DDX56: variants seen among roughly 807,000 people sequenced by gnomAD.
The protein encoded by DDX56 is DEAD-box helicase 56.
DDX56 carries 45 observed loss-of-function variants against 61.5 expected under a neutral mutation model. The observed-to-expected ratio is 0.73, with a 90% confidence interval of 0.58 to 0.94. DDX56 has a LOEUF of 0.94. DDX56 is among the 40% of genes least tolerant of loss of function. The probability of loss-of-function intolerance (pLI) is 0.00; values close to 1 mark genes in which losing one functional copy is unlikely to be tolerated. For missense variants in DDX56, 708 were observed against 690.7 expected (o/e 1.02, Z -0.28); for synonymous variants, 273 against 268.3 (o/e 1.02, Z -0.17).
chr7:44,568,249 A>G (rs745939775), intron 11 of DDX56, 26 bp from the exon 12 acceptor site: 2 of 1,526,158 alleles, frequency 1.3e-6, no homozygotes, highest in South Asian at 2.3e-5. Context: ...GGAGAGCCAC[A>G]GAGTGAGCAT....
rs972233369 is a variant in DDX56, at chr7:44,566,641, A to G, written c.1490-117T>C. On this transcript the variant is annotated intron_variant, in intron 12 of 13. Transcript: ENST00000258772. ...ACCCAACTGGCAGCCTATGACATAC[A>G]TCTATTCACTACCACATCTGCACAG... 27 of 717,518 alleles carry G rather than the reference A, an allele frequency of 3.8e-5. No individual in the cohort carries two copies. The South Asian group carries it at 4.2e-4, about 11-fold the overall frequency. 44.4% of individuals were successfully genotyped at this position (717,518 alleles called of 1,614,324 possible). A position where few individuals can be genotyped will look rare whatever the true frequency, so the allele number is the denominator to read the frequency against.
rs761089546 is a variant in DDX56 at position 44,568,203 on chromosome 7, A to G, written c.1404T>C (p.Pro468=). The G allele has an allele frequency of 7.7e-5, 124 of 1,611,836 alleles. No individual in the cohort carries two copies. The highest frequency in any genetic ancestry group is 9.4e-5 in the Non-Finnish European group (111 of 1,178,440). The change falls in exon 12 of 14, where the codon CCT becomes CCC. Residue 468 remains proline (P), a synonymous_variant. Transcript: ENST00000258772. ...CATGCCGCAGCAGCTGGAGGTCCCT[A>G]GGGTTGTCTTCAAAGTATGTCTGCC... ...EKLKTYFEDN[P]RDLQLLRHDL... is the part of the protein sequence containing the mutation.
intron 12 of DDX56, chr7:44,567,597 C>G (rs897312712): frequency 5.5e-5 from 11 of 199,720 alleles, no homozygotes; most frequent in Non-Finnish European, 1.0e-4. Context: ...CTCATGCCTG[C>G]CAACCCCTGC....
At chr7:44,570,228 A>C in intron 7 of DDX56, 100 bp from the exon 8 acceptor site, 2 of 1,441,014 alleles carry the variant, frequency 1.4e-6, no homozygotes, top group Non-Finnish European at 1.9e-6. Context: ...TGTAGATCAT[A>C]AGACCCTGAC....
chr7:44,567,780 T>A (rs539288999), intron 12 of DDX56: 2 of 360,664 alleles, frequency 5.5e-6, no homozygotes, highest in East Asian at 1.4e-4. Context: ...TGCCCGTGAC[T>A]CTCTCCCAAA....
chr7:44,566,222 T>C (rs1554291087), intron 13 of DDX56, 143 bp from the exon 14 acceptor site: 4 of 654,574 alleles, frequency 6.1e-6, no homozygotes, highest in African/African-American at 2.0e-5. Flanking sequence ...GATAAGGAAA[T>C]GGGGAAAGGC....
chr7:44,573,841 G>A lies in DDX56; in HGVS notation c.55C>T (p.Leu19Phe), dbSNP rs1309804360. Residue 19 changes from leucine (L) to phenylalanine (F), a missense_variant, in exon 1 of 14, where the codon CTT becomes TTT. Physicochemically the swap from Leu to Phe is conservative, Grantham distance 22. Coordinates refer to ENST00000258772, the MANE Select transcript of DDX56 (RefSeq NM_019082.4). The part of the protein sequence containing the change: ...FEHMGLDPRL[L>F]QAVTDLGWSR... ...TCCCCAGCCCTCGCGTGTACCTGAA[G>A]GAGCCGGGGATCGAGGCCCATGTGT... The A allele has an allele frequency of 1.9e-6, 3 of 1,613,356 alleles. No homozygotes were observed. The highest frequency in any genetic ancestry group is 1.7e-5 in the Admixed American group (1 of 60,022).
Position 44,573,591 on chromosome 7 carries a change from T to TA in DDX56, c.213dup (p.Arg72Ter). On this transcript the variant is annotated frameshift_variant, in exon 2 of 14. Coordinates refer to ENST00000258772, the MANE Select transcript of DDX56 (RefSeq NM_019082.4). LOFTEE classifies it high-confidence loss of function. The stretch of plus-strand genomic sequence containing the variant: ...GCTCTCTCGTTACCCACCGCCTTCC[T>TA]ATGGAGCAACAGCTGCAGCATCGGA... 1 of 1,613,502 alleles carries TA rather than the reference T, an allele frequency of 6.2e-7. No individual in the cohort carries two copies. The highest frequency in any genetic ancestry group is 8.5e-7 in the Non-Finnish European group (1 of 1,179,722).
At chr7:44,573,116 C>T (rs1014252196) in intron 2 of DDX56, 66 bp from the exon 3 acceptor site, 1 of 1,445,192 alleles carries the variant, frequency 6.9e-7, no homozygotes, top group African/African-American at 1.4e-5. Context: ...TGTCTCTACC[C>T]CTTCCAGCCT....
At chr7:44,567,828 C>T (rs1001880722) in intron 12 of DDX56, 3 of 478,004 alleles carry the variant, frequency 6.3e-6, no homozygotes, top group Admixed American at 3.5e-5. Flanking sequence ...GGCCATTTGG[C>T]CCAGCTCTGG....
intron 5 of DDX56, among the ~76,000 whole-genome samples, chr7:44,571,957 C>T (rs1029145626): frequency 6.6e-6 from 1 of 152,120 alleles, no homozygotes; most frequent in East Asian, 1.9e-4. Context: ...TAAAATACTT[C>T]CAAGCACAGA....
At position 44,570,693 on chromosome 7, in the gene DDX56, G is replaced by A. The variant is rs543645695; in HGVS notation, c.1010+65C>T. 39 of 1,553,772 alleles carry A rather than the reference G, an allele frequency of 2.5e-5. No homozygotes were observed. The African/African-American group carries it at 5.1e-4, about 20-fold the overall frequency. ...CCCTGCTCTGTGCACTCTGGTTTTA[G>A]TCTTCCAAAAAGCTAAAAACACAGG... On this transcript the variant is annotated intron_variant, in intron 7 of 13. Coordinates refer to ENST00000258772, the MANE Select transcript of DDX56 (RefSeq NM_019082.4).
In DDX56 at chr7:44,565,850, G is replaced by A; in HGVS notation, c.*152C>T. 4.5e-6 allele frequency: 3 copies of A among 659,866 alleles called. No homozygotes were observed. The highest frequency in any genetic ancestry group is 5.3e-5 in the Admixed American group (2 of 37,906). 40.9% of individuals were successfully genotyped at this position (659,866 alleles called of 1,614,324 possible). A position where few individuals can be genotyped will look rare whatever the true frequency, so the allele number is the denominator to read the frequency against. ...TCTGTTGTCAAGGGGCAAGATGCCA[G>A]CTTGGAAGTGCCAAGGAGCTAAAGG... On this transcript the variant is annotated 3_prime_UTR_variant, in exon 14 of 14. Transcript: ENST00000258772.
Position 44,568,929 on chromosome 7 carries a change from C to T in DDX56, c.1357G>A (p.Glu453Lys), listed in dbSNP as rs747212072. Residue 453 changes from glutamate to lysine, a missense_variant, in exon 11 of 14, where the codon GAG (glutamate) becomes AAG (lysine). Coordinates refer to ENST00000258772, the MANE Select transcript of DDX56 (RefSeq NM_019082.4). ...TTAAGCTTCTCAGAATGCAGAAGCTCTTCCTTGATCTCCTTCAATCTTGCC... is the reference window on the plus strand; with the variant it reads ...TTAAGCTTCTCAGAATGCAGAAGCTTTTCCTTGATCTCCTTCAATCTTGCC... ...REARLKEIKE[E>K]LLHSEKLKTY... 6.2e-7 allele frequency: 1 copy of T among 1,614,158 alleles called. No homozygotes were observed. The highest frequency in any genetic ancestry group is 8.5e-7 in the Non-Finnish European group (1 of 1,180,020).
Position 44,569,781 on chromosome 7 carries a change from C to T in DDX56, c.1219+28G>A, listed in dbSNP as rs746326884. 7.6e-6 allele frequency: 12 copies of T among 1,578,790 alleles called. No individual in the cohort carries two copies. The African/African-American group carries it at 1.3e-4, about 18-fold the overall frequency. On this transcript the variant is annotated intron_variant, in intron 9 of 13. Transcript: ENST00000258772. ...CATTGTGGAAGAAGCCTGACCCTGG[C>T]CCAGGACCACAAGAGCCAGGCTCTT...
intron 5 of DDX56, 22 bp from the exon 6 acceptor site, chr7:44,571,758 T>A: frequency 6.2e-7 from 1 of 1,612,168 alleles, no homozygotes; most frequent in Non-Finnish European, 8.5e-7. Context: ...AACAGGCCTG[T>A]GGTCAGAAAG....
Position 44,568,934 on chromosome 7 carries a change from T to C in DDX56, c.1352A>G (p.Lys451Arg), listed in dbSNP as rs768968674. The C allele has an allele frequency of 2.5e-6, 4 of 1,614,150 alleles. No homozygotes were observed. The highest frequency in any genetic ancestry group is 1.3e-5 in the African/African-American group (1 of 75,064). ...AIREARLKEI[K>R]EELLHSEKLK... ...CTTCTCAGAATGCAGAAGCTCTTCC[T>C]TGATCTCCTTCAATCTTGCCTCCCG... The change falls in exon 11 of 14, where the codon AAG becomes AGG. Residue 451 changes from lysine to arginine, a missense_variant. Physicochemically the swap from Lys to Arg is conservative, Grantham distance 26. Transcript: ENST00000258772.
rs1562583908 is a variant in DDX56 at position 44,569,747 on chromosome 7, G to A, written c.1219+62C>T. On this transcript the variant is annotated intron_variant, in intron 9 of 13. Coordinates refer to ENST00000258772, the MANE Select transcript of DDX56 (RefSeq NM_019082.4). ...TGACCTCTGTCATCATTATCATGGAGTTTTAAAGCATTGTGGAAGAAGCCT... is the reference window on the plus strand; with the variant it reads ...TGACCTCTGTCATCATTATCATGGAATTTTAAAGCATTGTGGAAGAAGCCT... 5.7e-6 allele frequency: 8 copies of A among 1,397,806 alleles called. No individual in the cohort carries two copies. In the East Asian group the frequency reaches 1.7e-4, roughly 30 times the overall value. The allele number at this position is 1,397,806 out of a possible 1,614,324, so 86.6% of individuals were successfully genotyped here. A position where few individuals can be genotyped will look rare whatever the true frequency, so the allele number is the denominator to read the frequency against.
rs975476886 is a variant in DDX56, at chr7:44,568,914, C to T, written c.1372G>A (p.Glu458Lys). The change falls in exon 11 of 14, where the codon GAG becomes AAG. Residue 458 changes from glutamate (E) to lysine (K), a missense_variant. By Grantham distance (56) the Glu-to-Lys change is moderately conservative (BLOSUM62 1). Coordinates refer to ENST00000258772, the MANE Select transcript of DDX56 (RefSeq NM_019082.4). ...TCCCATCCACTCACCTTAAGCTTCT[C>T]AGAATGCAGAAGCTCTTCCTTGATC... ...KEIKEELLHSEKLKTYFEDNP... is the reference protein window; with the variant it reads ...KEIKEELLHSKKLKTYFEDNP... The T allele has an allele frequency of 2.9e-5, 46 of 1,613,384 alleles. No individual in the cohort carries two copies. Among genetic ancestry groups the T allele is most frequent in the Non-Finnish European group, 3.7e-5 (44 of 1,179,486 alleles).
Sources: gnomAD v4.1 joint callset for allele counts (sites outside exome capture counted in the v4.1 genomes callset) on GRCh38, gnomAD v4.1.1 for gene constraint, MANE v1.5 for transcripts, NCBI Gene and HGNC (gene_info 2026-07-23, HGNC 2026-07-21) for gene names.